Variants in NINL observed in about 807,000 individuals in gnomAD.
The protein encoded by NINL is ninein-like protein.
NINL carries 153 observed loss-of-function variants against 160.3 expected under a neutral mutation model. The ratio of observed to expected loss-of-function variants is 0.95; its 90% CI spans 0.84 to 1.09. The LOEUF is 1.09. NINL is among the 50% of genes least tolerant of loss of function. The pLI, the probability that NINL is intolerant of heterozygous loss-of-function variation, is 0.00. For synonymous variants in NINL, 800 were observed against 734.8 expected (o/e 1.09, Z -1.43); for missense variants, 1,829 against 1,764.0 (o/e 1.04, Z -0.66).
chr20:25,538,156 G>A (rs987899866), intron 1 of NINL, among the ~76,000 whole-genome samples: 7 of 152,166 alleles, frequency 4.6e-5, no homozygotes, highest in African/African-American at 1.4e-4. Context: ...GTGAAGGGCA[G>A]GGAGGCATAG....
At chr20:25,558,108 T>A (rs2064890278) in intron 1 of NINL, among the ~76,000 whole-genome samples, 1 of 152,108 alleles carries the variant, frequency 6.6e-6, no homozygotes, top group South Asian at 2.1e-4. Context: ...GCCATTACAC[T>A]ATAGCCTGGG....
chr20:25,470,578 G>A (rs1051191280), intron 17 of NINL, among the ~76,000 whole-genome samples: 1 of 152,180 alleles, frequency 6.6e-6, no homozygotes, highest in African/African-American at 2.4e-5. Context: ...AAAAGGCAGG[G>A]ATAGACAGCC....
Position 25,453,661 on chromosome 20 carries a change from C to T in NINL, c.3958-19G>A. On this transcript the variant is annotated intron_variant, in intron 23 of 23. Transcript: ENST00000278886. ...TTTCAAACTAGAGAGGGGAGGAAGC[C>T]ATGCTTTGCATGAGGCCGGTGGAGA... is the stretch of plus-strand genomic sequence containing the variant. The T allele has an allele frequency of 6.3e-7, 1 of 1,581,540 alleles. No individual in the cohort carries two copies. The highest frequency in any genetic ancestry group is 1.4e-5 in the African/African-American group (1 of 73,448).
chr20:25,580,242 G>C (rs918907540), intron 1 of NINL, among the ~76,000 whole-genome samples: 1 of 152,018 alleles, frequency 6.6e-6, no homozygotes, highest in African/African-American at 2.4e-5. Context: ...GCTAAGACAG[G>C]AGAATTGCTT....
chr20:25,482,373 C>G (rs907046147), intron 13 of NINL, among the ~76,000 whole-genome samples: 2 of 152,178 alleles, frequency 1.3e-5, no homozygotes, highest in Non-Finnish European at 2.9e-5. Flanking sequence ...GAATCTTGCT[C>G]TCTTGCCCAG....
At chr20:25,572,417 T>C (rs2065064905) in intron 1 of NINL, among the ~76,000 whole-genome samples, 1 of 152,162 alleles carries the variant, frequency 6.6e-6, no homozygotes, top group South Asian at 2.1e-4. Flanking sequence ...CGGTGCTTGC[T>C]TTTGTAATTA....
At chr20:25,504,179 C>T (rs1156248041) in intron 6 of NINL, 75 bp from the exon 7 acceptor site, 1 of 1,462,232 alleles carries the variant, frequency 6.8e-7, no homozygotes, top group Non-Finnish European at 9.2e-7. Flanking sequence ...GCCTCCCTCC[C>T]TCCCTCCCTC....
intron 19 of NINL, among the ~76,000 whole-genome samples, chr20:25,465,515 C>A (rs1038674298): frequency 6.6e-6 from 1 of 152,140 alleles, no homozygotes; most frequent in Non-Finnish European, 1.5e-5. Context: ...TGACACCCCC[C>A]ACGACACTCC....
chr20:25,480,312 C>G, intron 14 of NINL, 45 bp from the exon 15 acceptor site: 1 of 1,523,882 alleles, frequency 6.6e-7, no homozygotes, highest in East Asian at 2.3e-5. Context: ...GAGGATGCCA[C>G]GGGGGCCCCT....
chr20:25,471,584 G>T (rs1197170654), intron 17 of NINL, among the ~76,000 whole-genome samples: 1 of 152,192 alleles, frequency 6.6e-6, no homozygotes, highest in Non-Finnish European at 1.5e-5. Flanking sequence ...GGAAAGAAAA[G>T]AAAACCTGCA....
chr20:25,470,779 G>C (rs1033954309), intron 17 of NINL, among the ~76,000 whole-genome samples: 2 of 152,164 alleles, frequency 1.3e-5, no homozygotes, highest in African/African-American at 4.8e-5. Context: ...AAGACTGCTT[G>C]AGCCCAGGAG....
At chr20:25,502,355 C>T (rs545335464) in intron 7 of NINL, among the ~76,000 whole-genome samples, 27 of 152,310 alleles carry the variant, frequency 1.8e-4, no homozygotes, top group African/African-American at 6.3e-4. Flanking sequence ...ACTACTGGTC[C>T]TACAACACCA....
At chr20:25,491,094 G>A (rs1159205842) in intron 11 of NINL, among the ~76,000 whole-genome samples, 1 of 152,224 alleles carries the variant, frequency 6.6e-6, no homozygotes, top group Non-Finnish European at 1.5e-5. Flanking sequence ...CTGACCTCAG[G>A]TCCACCTGGC....
intron 2 of NINL, among the ~76,000 whole-genome samples, chr20:25,520,674 G>A (rs775448048): frequency 2.0e-5 from 3 of 152,150 alleles, no homozygotes; most frequent in Non-Finnish European, 4.4e-5. Flanking sequence ...TGAAATTCAG[G>A]TTGACAGTTA....
intron 7 of NINL, 26 bp from the exon 8 acceptor site, chr20:25,501,036 C>A: frequency 2.5e-6 from 4 of 1,607,676 alleles, no homozygotes; most frequent in Non-Finnish European, 8.5e-7. Flanking sequence ...ACTTCCATAG[C>A]GCCCAGCGTC....
intron 4 of NINL, among the ~76,000 whole-genome samples, chr20:25,511,986 G>A (rs1216931665): frequency 6.6e-6 from 1 of 152,144 alleles, no homozygotes; most frequent in Non-Finnish European, 1.5e-5. Context: ...CTTGAAAATG[G>A]TTCGACCCAA....
chr20:25,562,005 GCCCGGCCGCC>G (rs2064947267), intron 1 of NINL, among the ~76,000 whole-genome samples: 3 of 144,724 alleles, frequency 2.1e-5, no homozygotes, highest in African/African-American at 7.8e-5. Context: ...AGGCGCCTCT[GCCCGGCCGCC>G]CCTACTGGGA....
At chr20:25,523,511 C>T (rs1044615236) in intron 2 of NINL, among the ~76,000 whole-genome samples, 1 of 152,172 alleles carries the variant, frequency 6.6e-6, no homozygotes, top group Non-Finnish European at 1.5e-5. Context: ...CATTGGCCTC[C>T]CAAAGTGCTG....
chr20:25,478,937 G>A lies in NINL; in HGVS notation c.2187C>T (p.His729=), dbSNP rs759800866. 6.4e-7 allele frequency: 1 copy of A among 1,551,482 alleles called. No individual in the cohort carries two copies. The highest frequency in any genetic ancestry group is 1.4e-5 in the African/African-American group (1 of 73,320). Residue 729 remains histidine, a synonymous_variant, in exon 16 of 24, where the codon CAC becomes CAT. Transcript: ENST00000278886. ...GCTGGCTGGACCTGATCTGCTGCAG[G>A]TGGCTGTGATGCCGCAGGGCCAGGC... ...LCGLALRHHS[H]LQQIRREAEA...
Sources: allele counts gnomAD v4.1 joint callset (sites outside exome capture counted in the v4.1 genomes callset), GRCh38; gene constraint gnomAD v4.1.1; transcripts MANE v1.5; gene names NCBI Gene and HGNC (gene_info 2026-07-23, HGNC 2026-07-21).